Variants in DHCR7 observed in about 807,000 individuals in gnomAD.
DHCR7 encodes the protein 7-DHC reductase.
A neutral mutation model predicts 43.3 loss-of-function variants in DHCR7; 40 were observed. The ratio of observed to expected loss-of-function variants is 0.92; its 90% CI spans 0.72 to 1.20. DHCR7 has a LOEUF of 1.20. Ranked by LOEUF, DHCR7 falls within the 50% of genes most tolerant of loss-of-function variation. DHCR7 has a pLI of 0.00. For synonymous variants in DHCR7, 298 were observed against 271.4 expected (o/e 1.10, Z -0.96); for missense variants, 608 against 644.6 (o/e 0.94, Z 0.62).
chr11:71,436,022 G>A (rs1291119590), intron 8 of DHCR7, 183 bp from the exon 9 acceptor site: 10 of 631,064 alleles, frequency 1.6e-5, no homozygotes, highest in South Asian at 1.4e-4. Flanking sequence ...CATTAAATGA[G>A]TAACTCTACC....
At chr11:71,440,002 C>T (rs1190615339) in intron 6 of DHCR7, among the ~76,000 whole-genome samples, 2 of 152,140 alleles carry the variant, frequency 1.3e-5, no homozygotes, top group Admixed American at 6.5e-5. Flanking sequence ...AGAGAACCCC[C>T]CAAACATTGG....
At chr11:71,438,261 C>T (rs1207379838) in intron 7 of DHCR7, among the ~76,000 whole-genome samples, 2 of 152,170 alleles carry the variant, frequency 1.3e-5, no homozygotes, top group African/African-American at 4.8e-5. Flanking sequence ...AACCTCCTGC[C>T]CGAGCAACGT....
At chr11:71,432,804 C>T (rs1001681875), downstream of DHCR7, among the ~76,000 whole-genome samples, 1 of 152,220 alleles carries the variant, frequency 6.6e-6, no homozygotes, top group African/African-American at 2.4e-5. Context: ...CCCAAGAAAT[C>T]AGCTGTGCCA....
At position 71,441,379 on chromosome 11, in the gene DHCR7, C is replaced by A. The variant is rs766443353; in HGVS notation, c.474G>T (p.Trp158Cys). The change falls in exon 6 of 9, where the codon TGG (tryptophan) becomes TGT (cysteine). Residue 158 changes from tryptophan (W) to cysteine (C), a missense_variant. By Grantham distance (215) the Trp-to-Cys change is radical. Transcript: ENST00000355527. ...AGGACAGGAGATGAGCGTTTGCAAA[C>A]CAGAGCAGGTGCGTGAGGAGCCAGG... ...LQAWLLTHLL[W>C]FANAHLLSWF... The A allele has an allele frequency of 4.3e-6, 7 of 1,614,210 alleles. No homozygotes were observed. The highest frequency in any genetic ancestry group is 5.9e-6 in the Non-Finnish European group (7 of 1,180,036).
intron 6 of DHCR7, among the ~76,000 whole-genome samples, chr11:71,440,827 T>TC (rs1949340792): frequency 6.6e-6 from 1 of 152,092 alleles, no homozygotes; most frequent in Non-Finnish European, 1.5e-5. Flanking sequence ...AGCAGGGCTC[T>TC]CCTGGGAAGC....
chr11:71,448,060 C>A (rs1949422634), intron 1 of DHCR7: 2 of 152,482 alleles, frequency 1.3e-5, no homozygotes. Context: ...GACAGAGCAT[C>A]CCTCAGACGC....
intron 2 of DHCR7, among the ~76,000 whole-genome samples, chr11:71,445,271 CA>C (rs1195295134): frequency 6.6e-6 from 1 of 152,244 alleles, no homozygotes; most frequent in African/African-American, 2.4e-5. Flanking sequence ...TCCTACACAC[CA>C]CTCTCCCCTA....
At position 71,438,882 on chromosome 11, in the gene DHCR7, C is replaced by T. The variant is rs770713196; in HGVS notation, c.828G>A (p.Leu276=). ...VTNAMVLVNV[L]QAIYVIDFFW... ...CCTCTCCAGCCATGACAGGCACCTG[C>T]AGGACGTTGACCAGGACCATGGCAT... Residue 276 remains leucine (L), a synonymous_variant, in exon 7 of 9, where the codon CTG becomes CTA. Transcript: ENST00000355527. 3.7e-6 allele frequency: 6 copies of T among 1,613,624 alleles called. No individual in the cohort carries two copies. The Admixed American group carries it at 1.0e-4, about 27-fold the overall frequency.
intron 1 of DHCR7, chr11:71,448,079 G>C (rs1348694509): frequency 1.3e-5 from 2 of 152,478 alleles, no homozygotes; most frequent in Non-Finnish European, 1.5e-5. Flanking sequence ...GCCGGCTCGT[G>C]GGGGAGGGGG....
chr11:71,446,849 C>A lies in DHCR7; in HGVS notation c.-7+761G>T, dbSNP rs149904394. 2.8e-4 allele frequency among the ~76,000 whole-genome samples: 42 copies of A among 152,298 alleles called. No homozygotes were observed. In the East Asian group the frequency reaches 6.2e-3, roughly 22 times the overall value. On this transcript the variant is annotated intron_variant, in intron 2 of 8. Transcript: ENST00000355527. Reference sequence around the variant, plus strand: ...CCCAAATACTGAATACAGAGCCTGGCGAGTGCCAGTCACTCTCCTTATATC... The same window carrying A: ...CCCAAATACTGAATACAGAGCCTGGAGAGTGCCAGTCACTCTCCTTATATC...
At chr11:71,442,486 C>T in intron 4 of DHCR7, 133 bp from the exon 5 acceptor site, 1 of 733,328 alleles carries the variant, frequency 1.4e-6, no homozygotes, top group Non-Finnish European at 2.4e-6. Context: ...GAAGCTCAAA[C>T]TGCTGGGCTG....
chr11:71,438,788 A>G (rs1949316322), intron 7 of DHCR7, 91 bp downstream of exon 7: 5 of 1,337,942 alleles, frequency 3.7e-6, no homozygotes, highest in African/African-American at 2.9e-5. Context: ...TACAAGCAGT[A>G]GATTAAGGTC....
downstream of DHCR7, among the ~76,000 whole-genome samples, chr11:71,434,168 G>A (rs1177800768): frequency 6.6e-6 from 1 of 152,210 alleles, no homozygotes; most frequent in Non-Finnish European, 1.5e-5. Flanking sequence ...CTCCTTGGGG[G>A]GGAATGGAAT....
intron 2 of DHCR7, among the ~76,000 whole-genome samples, chr11:71,447,095 T>A (rs547268499): frequency 6.6e-6 from 1 of 152,226 alleles, no homozygotes; most frequent in Non-Finnish European, 1.5e-5. Context: ...CCACACTGAC[T>A]GGTGTTAATC....
At chr11:71,438,783 G>T in intron 7 of DHCR7, 96 bp downstream of exon 7, 1 of 1,300,308 alleles carries the variant, frequency 7.7e-7, no homozygotes, top group Non-Finnish European at 1.1e-6. Context: ...TCTTTTACAA[G>T]CAGTAGATTA....
chr11:71,443,184 G>T (rs1400405019), intron 4 of DHCR7, among the ~76,000 whole-genome samples: 1 of 152,194 alleles, frequency 6.6e-6, no homozygotes, highest in Non-Finnish European at 1.5e-5. Flanking sequence ...TGTTCTGTGG[G>T]TCCATTCATC....
At chr11:71,428,942 C>A in intron 2 of DHCR7, 1 of 439,088 alleles carries the variant, frequency 2.3e-6, no homozygotes, top group South Asian at 1.7e-5. Context: ...ATTCAAATGC[C>A]TCCCGCCTCC....
In DHCR7 at chr11:71,434,483, C is replaced by G. The variant is rs1949249545; in HGVS notation, c.*892G>C. 6.5e-6 allele frequency: 1 copy of G among 153,556 alleles called. No individual in the cohort carries two copies. Among genetic ancestry groups the G allele is most frequent in the Non-Finnish European group, 1.4e-5 (1 of 69,128 alleles). 9.5% of individuals were successfully genotyped at this position (153,556 alleles called of 1,614,324 possible). On this transcript the variant is annotated 3_prime_UTR_variant, in exon 9 of 9. Coordinates refer to ENST00000355527, the MANE Select transcript of DHCR7 (RefSeq NM_001360.3). ...CATAGAGTTTAAAAAGAGTTCTACA[C>G]AACACCCTAGGGATGAGGAAGAATG...
chr11:71,436,815 T>C (rs1949286895), intron 8 of DHCR7, among the ~76,000 whole-genome samples: 1 of 152,246 alleles, frequency 6.6e-6, no homozygotes, highest in Admixed American at 6.5e-5. Flanking sequence ...CACCCCTCTA[T>C]TGATTCTGCT....
Sources: gnomAD v4.1 joint callset for allele counts (sites outside exome capture counted in the v4.1 genomes callset) on GRCh38, gnomAD v4.1.1 for gene constraint, MANE v1.5 for transcripts, NCBI Gene and HGNC (gene_info 2026-07-23, HGNC 2026-07-21) for gene names.